Variants in AMER2 observed in about 807,000 individuals in gnomAD.
AMER2 encodes the protein APC membrane recruitment protein 2, also known as family with sequence similarity 123A.
AMER2 carries 1 observed loss-of-function variant against 4.7 expected under a neutral mutation model. The ratio of observed to expected loss-of-function variants is 0.21; its 90% CI spans 0.07 to 1.00. The LOEUF is 1.00. Ranked by LOEUF, AMER2 falls within the 50% of genes least tolerant of loss-of-function variation. The pLI, the probability that AMER2 is intolerant of heterozygous loss-of-function variation, is 0.60. For synonymous variants in AMER2, 485 were observed against 433.3 expected (o/e 1.12, Z -1.48); for missense variants, 988 against 966.9 (o/e 1.02, Z -0.29).
At position 25,163,146 on chromosome 13, in the gene AMER2, C is replaced by A. The variant is rs1399449394; in HGVS notation, c.*6458G>T. The A allele has an allele frequency of 6.6e-6, 1 of 152,180 alleles. No individual in the cohort carries two copies. The highest frequency in any genetic ancestry group is 1.5e-5 in the Non-Finnish European group (1 of 68,048). 9.4% of individuals were successfully genotyped at this position (152,180 alleles called of 1,614,324 possible). On this transcript the variant is annotated 3_prime_UTR_variant, in exon 1 of 1. Transcript: ENST00000515384. ...GGCAAGGGACAACTCATACAGCTGT[C>A]ATTTAAACAAACACAGATAACAAGT...
chr13:25,168,624 A>T lies in AMER2; in HGVS notation c.*980T>A, dbSNP rs143104001. ...CATCAATGGTTTGGGGACCATCATC[A>T]TGTCTAGCTATAAGACCAGATTTTA... On this transcript the variant is annotated 3_prime_UTR_variant, in exon 1 of 1. Coordinates refer to ENST00000515384, the MANE Select transcript of AMER2 (RefSeq NM_152704.4). The T allele has an allele frequency of 8.5e-4, 130 of 152,434 alleles. No homozygotes were observed. Among genetic ancestry groups the T allele is most frequent in the African/African-American group, 3.0e-3 (125 of 41,516 alleles). 9.4% of individuals were successfully genotyped at this position (152,434 alleles called of 1,614,324 possible).
chr13:25,170,098 G>A lies in AMER2; in HGVS notation c.1522C>T (p.His508Tyr). ...IEPHPKEEPK[H>Y]PEKEQQEGVP... Reference sequence around the variant, plus strand: ...CCTTCCTGCTGCTCCTTCTCCGGGTGCTTGGGCTCCTCCTTAGGATGGGGC... The same window carrying A: ...CCTTCCTGCTGCTCCTTCTCCGGGTACTTGGGCTCCTCCTTAGGATGGGGC... Residue 508 changes from histidine (H) to tyrosine (Y), a missense_variant, in exon 1 of 1, where the codon CAC becomes TAC. Coordinates refer to ENST00000515384, the MANE Select transcript of AMER2 (RefSeq NM_152704.4). The surrounding 1 kb of genome is among the most constrained non-coding windows in gnomAD (Gnocchi z 7.3). 1 of 1,614,068 alleles carries A rather than the reference G, an allele frequency of 6.2e-7. No homozygotes were observed. The highest frequency in any genetic ancestry group is 8.5e-7 in the Non-Finnish European group (1 of 1,180,026).
In AMER2 at chr13:25,170,252, G is replaced by C; in HGVS notation, c.1368C>G (p.Gly456=). The change falls in exon 1 of 1, where the codon GGC becomes GGG. Residue 456 remains glycine (G), a synonymous_variant. Transcript: ENST00000515384. The surrounding 1 kb of genome is among the most constrained non-coding windows in gnomAD (Gnocchi z 7.3). ...CCAGCGCAGCTGCCACCTTAGCCGCGCCCTCCTGGGGCTCGGGTCCCTGCT... is the reference window on the plus strand; with the variant it reads ...CCAGCGCAGCTGCCACCTTAGCCGCCCCCTCCTGGGGCTCGGGTCCCTGCT... ...TEEQGPEPQE[G]AAKVAAALET... 6.2e-7 allele frequency: 1 copy of C among 1,612,630 alleles called. No homozygotes were observed. Among genetic ancestry groups the C allele is most frequent in the Non-Finnish European group, 8.5e-7 (1 of 1,179,370 alleles).
rs572754156 is a variant in AMER2, at chr13:25,167,991, C to T, written c.*1613G>A. 5 of 152,230 alleles carry T rather than the reference C, an allele frequency of 3.3e-5. No homozygotes were observed. Among genetic ancestry groups the T allele is most frequent in the South Asian group, 2.1e-4 (1 of 4,824 alleles). The allele number at this position is 152,230 out of a possible 1,614,324, so 9.4% of individuals were successfully genotyped here. On this transcript the variant is annotated 3_prime_UTR_variant, in exon 1 of 1. Coordinates refer to ENST00000515384, the MANE Select transcript of AMER2 (RefSeq NM_152704.4). The stretch of plus-strand genomic sequence containing the variant: ...TGTCATTTACATATGTGCAGTTTCA[C>T]GTGAATATGCATAATCTTCCTGGTA...
chr13:25,171,738 T>A lies in AMER2; in HGVS notation c.-119A>T. The A allele has an allele frequency of 2.8e-6, 4 of 1,405,286 alleles. No homozygotes were observed. Among genetic ancestry groups the A allele is most frequent in the Non-Finnish European group, 3.7e-6 (4 of 1,089,726 alleles). The allele number at this position is 1,405,286 out of a possible 1,614,324, so 87.1% of individuals were successfully genotyped here. On this transcript the variant is annotated 5_prime_UTR_variant, in exon 1 of 1. It removes an upstream start codon present in the reference 5' UTR. Coordinates refer to ENST00000515384, the MANE Select transcript of AMER2 (RefSeq NM_152704.4). The surrounding 1 kb of genome is among the most constrained non-coding windows in gnomAD (Gnocchi z 5.9). ...GCCGCCGCTGCAAAAGAAACACACATAAAAGACCATCTTCCCTCCCGCAAG... is the reference window on the plus strand; with the variant it reads ...GCCGCCGCTGCAAAAGAAACACACAAAAAAGACCATCTTCCCTCCCGCAAG...
chr13:25,169,910 A>T lies in AMER2; in HGVS notation c.1710T>A (p.Pro570=), dbSNP rs1476052658. The T allele has an allele frequency of 6.2e-7, 1 of 1,614,132 alleles. No homozygotes were observed. The highest frequency in any genetic ancestry group is 1.3e-5 in the African/African-American group (1 of 75,042). ...ACGTCTCCTCGTTGTCCTTCCCTCC[A>T]GGAAGGGTTGCTGGACTTCCGTCCG... The part of the protein sequence containing the change: ...ADPDGSPATL[P]GGKDNEETSS... The change falls in exon 1 of 1, where the codon CCT becomes CCA. Residue 570 remains proline, a synonymous_variant. Transcript: ENST00000515384. The surrounding 1 kb of genome is among the most constrained non-coding windows in gnomAD (Gnocchi z 4.2).
chr13:25,171,516 C>A lies in AMER2; in HGVS notation c.104G>T (p.Gly35Val). Residue 35 changes from glycine (G) to valine (V), a missense_variant, in exon 1 of 1, where the codon GGG becomes GTG. Coordinates refer to ENST00000515384, the MANE Select transcript of AMER2 (RefSeq NM_152704.4). This position sits in a 1 kb window ranked among gnomAD's most constrained non-coding sequence, Gnocchi z 5.9. ...CATGTCTGCCGCGAGGGTCCCGGTCCCGGCCCCGGCCTCCGCCTTCCTCCT... is the reference window on the plus strand; with the variant it reads ...CATGTCTGCCGCGAGGGTCCCGGTCACGGCCCCGGCCTCCGCCTTCCTCCT... ...VCRRKAEAGA[G>V]TGTLAADMDL... is the part of the protein sequence containing the mutation. The A allele has an allele frequency of 6.3e-7, 1 of 1,598,026 alleles. No homozygotes were observed. The highest frequency in any genetic ancestry group is 8.5e-7 in the Non-Finnish European group (1 of 1,176,460).
chr13:25,170,994 C>G lies in AMER2; in HGVS notation c.626G>C (p.Arg209Pro), dbSNP rs776825988. The part of the protein sequence containing the change: ...SGMRWHRKDK[R>P]AKAEAAEGRA... Reference sequence around the variant, plus strand: ...CCCCTCCGCGGCCTCCGCCTTGGCCCGCTTGTCTTTCCTGTGCCAGCGCAT... The same window carrying G: ...CCCCTCCGCGGCCTCCGCCTTGGCCGGCTTGTCTTTCCTGTGCCAGCGCAT... The change falls in exon 1 of 1, where the codon CGG becomes CCG. Residue 209 changes from arginine to proline, a missense_variant. Physicochemically the swap from Arg to Pro is moderately radical, Grantham distance 103 (BLOSUM62 -2). Coordinates refer to ENST00000515384, the MANE Select transcript of AMER2 (RefSeq NM_152704.4). This position sits in a 1 kb window ranked among gnomAD's most constrained non-coding sequence, Gnocchi z 7.3. 4.5e-6 allele frequency: 7 copies of G among 1,564,426 alleles called. No homozygotes were observed. Among genetic ancestry groups the G allele is most frequent in the South Asian group, 2.3e-5 (2 of 86,692 alleles).
At position 25,161,972 on chromosome 13, in the gene AMER2, A is replaced by G. The variant is rs1439133889; in HGVS notation, c.*7632T>C. The stretch of plus-strand genomic sequence containing the variant: ...CTATCCCATTAAACCATTGGAGTGG[A>G]GAAAGGAGGAAAGACCCTATTGCTA... On this transcript the variant is annotated 3_prime_UTR_variant, in exon 1 of 1. Coordinates refer to ENST00000515384, the MANE Select transcript of AMER2 (RefSeq NM_152704.4). 6.6e-6 allele frequency: 1 copy of G among 152,226 alleles called. No individual in the cohort carries two copies. The highest frequency in any genetic ancestry group is 1.5e-5 in the Non-Finnish European group (1 of 68,042). The allele number at this position is 152,226 out of a possible 1,614,324, so 9.4% of individuals were successfully genotyped here.
In AMER2 at chr13:25,166,998, GA is replaced by G. The variant is rs1160831793; in HGVS notation, c.*2605del. On this transcript the variant is annotated 3_prime_UTR_variant, in exon 1 of 1. Transcript: ENST00000515384. ...AAAGTGGAAAATATAAATTTTAAAAGAAAATATTTTATATCTTTTATAACTG... is the reference window on the plus strand; with the variant it reads ...AAAGTGGAAAATATAAATTTTAAAAGAAATATTTTATATCTTTTATAACTG... 6.6e-6 allele frequency: 1 copy of G among 152,018 alleles called. No homozygotes were observed. The highest frequency in any genetic ancestry group is 2.4e-5 in the African/African-American group (1 of 41,402). 9.4% of individuals were successfully genotyped at this position (152,018 alleles called of 1,614,324 possible). A position where few individuals can be genotyped will look rare whatever the true frequency, so the allele number is the denominator to read the frequency against.
Position 25,169,429 on chromosome 13 carries a change from T to C in AMER2, c.*175A>G. On this transcript the variant is annotated 3_prime_UTR_variant, in exon 1 of 1. Transcript: ENST00000515384. The surrounding 1 kb of genome is among the most constrained non-coding windows in gnomAD (Gnocchi z 4.2). ...CGTGTAGCATCCCTCTTTCTGGTGT[T>C]ATCCGGTCCCTGCTCAGGGCACAAA... is the stretch of plus-strand genomic sequence containing the variant. 1.4e-6 allele frequency: 1 copy of C among 712,154 alleles called. No homozygotes were observed. Among genetic ancestry groups the C allele is most frequent in the Non-Finnish European group, 2.1e-6 (1 of 465,440 alleles). 44.1% of individuals were successfully genotyped at this position (712,154 alleles called of 1,614,324 possible).
In AMER2 at chr13:25,170,237, T is replaced by C; in HGVS notation, c.1383A>G (p.Ala461=). Reference sequence around the variant, plus strand: ...GCACCACCTTGGTTTCCAGCGCAGCTGCCACCTTAGCCGCGCCCTCCTGGG... The same window carrying C: ...GCACCACCTTGGTTTCCAGCGCAGCCGCCACCTTAGCCGCGCCCTCCTGGG... ...PEPQEGAAKV[A]AALETKVVPE... is the part of the protein sequence containing the mutation. Residue 461 remains alanine (A), a synonymous_variant, in exon 1 of 1, where the codon GCA becomes GCG. Coordinates refer to ENST00000515384, the MANE Select transcript of AMER2 (RefSeq NM_152704.4). This position sits in a 1 kb window ranked among gnomAD's most constrained non-coding sequence, Gnocchi z 7.3. 1 of 1,612,568 alleles carries C rather than the reference T, an allele frequency of 6.2e-7. No homozygotes were observed. Among genetic ancestry groups the C allele is most frequent in the Non-Finnish European group, 8.5e-7 (1 of 1,179,308 alleles).
chr13:25,170,886 GC>G lies in AMER2; in HGVS notation c.733del (p.Ala245ArgfsTer83), dbSNP rs1483998634. ...CTGGCTGGGCTCCTCCGGCTCGCGC[GC>G]GGCTCTGGGCGTCTCCTCCTTGACG... Reference protein sequence around the residue: ...ECVKEETPRAAREPEEPSQDA... With the variant: ...ECVKEETPRAXREPEEPSQDA... On this transcript the variant is annotated frameshift_variant, in exon 1 of 1. Transcript: ENST00000515384. LOFTEE classifies it low-confidence loss of function (END_TRUNC). This position sits in a 1 kb window ranked among gnomAD's most constrained non-coding sequence, Gnocchi z 7.3. 1 of 1,452,044 alleles carries G rather than the reference GC, an allele frequency of 6.9e-7. No individual in the cohort carries two copies. Among genetic ancestry groups the G allele is most frequent in the African/African-American group, 1.5e-5 (1 of 68,106 alleles). The allele number at this position is 1,452,044 out of a possible 1,614,324, so 89.9% of individuals were successfully genotyped here.
In AMER2 at chr13:25,170,650, C is replaced by G. The variant is rs1330355912; in HGVS notation, c.970G>C (p.Ala324Pro). 1 of 1,552,062 alleles carries G rather than the reference C, an allele frequency of 6.4e-7. No homozygotes were observed. Among genetic ancestry groups the G allele is most frequent in the African/African-American group, 1.4e-5 (1 of 73,254 alleles). ...RTAEDASRTG[A>P]VPVKTVPLVD... ...AGGGGGACCGTCTTTACGGGAACGG[C>G]CCCCGTCCTGGAAGCGTCCTCTGCC... Residue 324 changes from alanine (A) to proline (P), a missense_variant, in exon 1 of 1, where the codon GCC becomes CCC. Ala to Pro is a conservative substitution (Grantham distance 27). Coordinates refer to ENST00000515384, the MANE Select transcript of AMER2 (RefSeq NM_152704.4). The surrounding 1 kb of genome is among the most constrained non-coding windows in gnomAD (Gnocchi z 7.3).
chr13:25,171,683 T>C lies in AMER2; in HGVS notation c.-64A>G, dbSNP rs574471451. 1.4e-6 allele frequency: 2 copies of C among 1,422,682 alleles called. No individual in the cohort carries two copies. Among genetic ancestry groups the C allele is most frequent in the Admixed American group, 3.1e-5 (1 of 32,368 alleles). 88.1% of individuals were successfully genotyped at this position (1,422,682 alleles called of 1,614,324 possible). On this transcript the variant is annotated 5_prime_UTR_variant, in exon 1 of 1. It adds an upstream start codon to the 5' untranslated region. Coordinates refer to ENST00000515384, the MANE Select transcript of AMER2 (RefSeq NM_152704.4). This position sits in a 1 kb window ranked among gnomAD's most constrained non-coding sequence, Gnocchi z 5.9. ...GCTCGCGCCAGGCCACTGTCACCCGTATTCTAAATCAACCTGAGCCGCGCT... is the reference window on the plus strand; with the variant it reads ...GCTCGCGCCAGGCCACTGTCACCCGCATTCTAAATCAACCTGAGCCGCGCT...
chr13:25,170,801 G>T lies in AMER2; in HGVS notation c.819C>A (p.Ala273=). 7.3e-7 allele frequency: 1 copy of T among 1,372,742 alleles called. No individual in the cohort carries two copies. Among genetic ancestry groups the T allele is most frequent in the Non-Finnish European group, 9.3e-7 (1 of 1,072,350 alleles). 85.0% of individuals were successfully genotyped at this position (1,372,742 alleles called of 1,614,324 possible). Residue 273 remains alanine (A), a synonymous_variant, in exon 1 of 1, where the codon GCC becomes GCA. Coordinates refer to ENST00000515384, the MANE Select transcript of AMER2 (RefSeq NM_152704.4). The surrounding 1 kb of genome is among the most constrained non-coding windows in gnomAD (Gnocchi z 7.3). ...PAGGEEVPAP[A]DRAPARSCRE... ...GGCAGCTCCGCGCTGGGGCGCGGTC[G>T]GCGGGGGCGGGCACCTCCTCTCCCC... is the stretch of plus-strand genomic sequence containing the variant.
rs1956451617 is a variant in AMER2, at chr13:25,164,373, C to T, written c.*5231G>A. Reference sequence around the variant, plus strand: ...CCCTCCAAGGGAAGGCCAATGTTTGCCTACTCAGCATAGCACAGTGGCAGG... The same window carrying T: ...CCCTCCAAGGGAAGGCCAATGTTTGTCTACTCAGCATAGCACAGTGGCAGG... On this transcript the variant is annotated 3_prime_UTR_variant, in exon 1 of 1. Transcript: ENST00000515384. 1 of 151,842 alleles carries T rather than the reference C, an allele frequency of 6.6e-6. No individual in the cohort carries two copies. Among genetic ancestry groups the T allele is most frequent in the Admixed American group, 6.6e-5 (1 of 15,216 alleles). 9.4% of individuals were successfully genotyped at this position (151,842 alleles called of 1,614,324 possible).
rs1332649561 is a variant in AMER2 at position 25,169,109 on chromosome 13, T to A, written c.*495A>T. ...CAAAGGGTTTTGTTTTTGTTTTTGT[T>A]TTTTTTTAACTGGAAAGGAAAGAGG... is the stretch of plus-strand genomic sequence containing the variant. On this transcript the variant is annotated 3_prime_UTR_variant, in exon 1 of 1. Transcript: ENST00000515384. The surrounding 1 kb of genome is among the most constrained non-coding windows in gnomAD (Gnocchi z 4.2). The A allele has an allele frequency of 6.6e-6, 1 of 152,668 alleles. No individual in the cohort carries two copies. The highest frequency in any genetic ancestry group is 2.1e-4 in the South Asian group (1 of 4,820). The allele number at this position is 152,668 out of a possible 1,614,324, so 9.5% of individuals were successfully genotyped here.
In AMER2 at chr13:25,169,742, G is replaced by A; in HGVS notation, c.1878C>T (p.His626=). 1 of 1,614,196 alleles carries A rather than the reference G, an allele frequency of 6.2e-7. No individual in the cohort carries two copies. Among genetic ancestry groups the A allele is most frequent in the Non-Finnish European group, 8.5e-7 (1 of 1,180,038 alleles). ...TNLPSSHPVV[H]QQPSRSEMPR... ...GCATCTCACTCCTGGAGGGTTGCTG[G>A]TGCACCACGGGATGGCTAGATGGAA... is the stretch of plus-strand genomic sequence containing the variant. Residue 626 remains histidine, a synonymous_variant, in exon 1 of 1, where the codon CAC becomes CAT. Coordinates refer to ENST00000515384, the MANE Select transcript of AMER2 (RefSeq NM_152704.4). The surrounding 1 kb of genome is among the most constrained non-coding windows in gnomAD (Gnocchi z 4.2).
Sources: allele counts gnomAD v4.1 joint callset, GRCh38; gene constraint gnomAD v4.1.1; non-coding constraint Gnocchi (gnomAD v3.1); transcripts MANE v1.5; gene names NCBI Gene and HGNC (gene_info 2026-07-23, HGNC 2026-07-21).